The following ARPC1A variants were observed in gnomAD, a reference collection of about 807,000 sequenced individuals.
ARPC1A encodes actin-related protein 2/3 complex subunit 1A.
Under a neutral mutation model 46.9 loss-of-function variants are expected in ARPC1A, and 8 were observed. The observed-to-expected ratio is 0.17, with a 90% confidence interval of 0.10 to 0.31. The LOEUF is 0.31. Ranked by LOEUF, ARPC1A falls within the 10% of genes least tolerant of loss-of-function variation. The probability of loss-of-function intolerance (pLI) is 1.00; values close to 1 mark genes in which losing one functional copy is unlikely to be tolerated. For synonymous variants in ARPC1A, 152 were observed against 169.0 expected, an observed-to-expected ratio of 0.90 and a Z score of 0.78; for missense variants, 286 against 483.6, an observed-to-expected ratio of 0.59 and a Z score of 3.83.
intron 4 of ARPC1A, among the ~76,000 whole-genome samples, chr7:99,345,657 CAA>C (rs547514508): frequency 7.4e-6 from 1 of 134,370 alleles, no homozygotes; most frequent in Non-Finnish European, 1.6e-5. Flanking sequence ...GATTCTATCT[CAA>C]AAAAAAAAAA....
intron 3 of ARPC1A, among the ~76,000 whole-genome samples, chr7:99,343,285 G>C (rs768066466): frequency 4.6e-5 from 7 of 151,960 alleles, no homozygotes; most frequent in Non-Finnish European, 7.4e-5. Context: ...GGTCAACATG[G>C]TGAAACCCCG....
chr7:99,333,184 C>T (rs539630056), intron 1 of ARPC1A, 141 bp from the exon 2 acceptor site: 3 of 623,620 alleles, frequency 4.8e-6, no homozygotes, highest in Non-Finnish European at 5.6e-6. Context: ...CGTGAGCCAC[C>T]GTGCCTGGCC....
At chr7:99,333,482 A>G (rs2301889) in intron 2 of ARPC1A, 65 bp downstream of exon 2, 136,695 of 1,400,916 alleles carry the variant, frequency 0.098, 10,846 homozygotes, top group East Asian at 0.34. Context: ...CTTTAGACAC[A>G]TTTAGGGCTC....
At position 99,349,136 on chromosome 7, in the gene ARPC1A, C is replaced by T. The variant is rs547639721; in HGVS notation, c.500+177C>T. Among the ~76,000 whole-genome samples, 3 of 152,240 alleles carry T rather than the reference C, an allele frequency of 2.0e-5. No individual in the cohort carries two copies. The South Asian group carries it at 6.2e-4, about 32-fold the overall frequency. ...CACCATCATAGCTCACTGCAGCCTC[C>T]AATTCCTGGGCTCAAGCGATCCTCC... is the stretch of plus-strand genomic sequence containing the variant. On this transcript the variant is annotated intron_variant, in intron 5 of 9. Coordinates refer to ENST00000262942, the MANE Select transcript of ARPC1A (RefSeq NM_006409.4).
At position 99,353,153 on chromosome 7, in the gene ARPC1A, G is replaced by A. The variant is rs966223812; in HGVS notation, c.501-756G>A. 5.3e-5 allele frequency among the ~76,000 whole-genome samples: 8 copies of A among 150,508 alleles called. No individual in the cohort carries two copies. In the Admixed American group the frequency reaches 5.3e-4, roughly 10 times the overall value. ...GTTATGTTATGTTATGTTATGTTAT[G>A]TTATGTTATGTTATGTTATTTTAGA... On this transcript the variant is annotated intron_variant, in intron 5 of 9. Transcript: ENST00000262942.
intron 5 of ARPC1A, among the ~76,000 whole-genome samples, chr7:99,350,334 GTC>G (rs934807769): frequency 7.2e-5 from 11 of 152,122 alleles, no homozygotes; most frequent in Non-Finnish European, 1.3e-4. Context: ...CCAGGCAGCA[GTC>G]TCTGCAAATT....
intron 2 of ARPC1A, among the ~76,000 whole-genome samples, chr7:99,336,826 T>C (rs1350975733): frequency 2.6e-5 from 4 of 151,714 alleles, no homozygotes; most frequent in African/African-American, 9.7e-5. Context: ...AAGAAACCAA[T>C]AAAAAGAAAG....
chr7:99,355,617 G>C (rs753218427), intron 6 of ARPC1A, among the ~76,000 whole-genome samples: 3 of 151,810 alleles, frequency 2.0e-5, no homozygotes, highest in Non-Finnish European at 2.9e-5. Context: ...GGTGGCGGGT[G>C]CCTATAGTCC....
intron 3 of ARPC1A, among the ~76,000 whole-genome samples, 193 bp downstream of exon 3, chr7:99,338,478 C>T (rs913278124): frequency 1.3e-5 from 2 of 150,688 alleles, no homozygotes; most frequent in Non-Finnish European, 1.5e-5. Flanking sequence ...CTCCACCTCC[C>T]GGGTTCAAGT....
intron 8 of ARPC1A, among the ~76,000 whole-genome samples, chr7:99,362,188 G>T (rs935552093): frequency 1.3e-5 from 2 of 151,610 alleles, no homozygotes; most frequent in African/African-American, 4.8e-5. Flanking sequence ...CAGCTACTCG[G>T]GAGTCTGAGG....
At chr7:99,362,338 T>TCCCCC (rs1300797732) in intron 8 of ARPC1A, among the ~76,000 whole-genome samples, 1 of 124,918 alleles carries the variant, frequency 8.0e-6, no homozygotes, top group Non-Finnish European at 1.6e-5. Context: ...CCGCCCCCCT[T>TCCCCC]TTTTTTTTTT....
At chr7:99,347,483 T>A (rs1793473432) in intron 4 of ARPC1A, among the ~76,000 whole-genome samples, 1 of 152,082 alleles carries the variant, frequency 6.6e-6, no homozygotes, top group South Asian at 2.1e-4. Context: ...GGCAGGCAGA[T>A]CACCTGAGAC....
At chr7:99,328,651 T>C (rs1793092389) in intron 1 of ARPC1A, among the ~76,000 whole-genome samples, 1 of 151,724 alleles carries the variant, frequency 6.6e-6, no homozygotes, top group Non-Finnish European at 1.5e-5. Flanking sequence ...CAGTGATAGA[T>C]AAAGAAAAGG....
At chr7:99,343,466 CAAAA>C (rs1181327939) in intron 3 of ARPC1A, among the ~76,000 whole-genome samples, 1 of 120,012 alleles carries the variant, frequency 8.3e-6, no homozygotes, top group African/African-American at 3.1e-5. Context: ...AACTCCATCT[CAAAA>C]AAAAAAAAGA....
rs1308355053 is a variant in ARPC1A at position 99,325,935 on chromosome 7, C to T, written c.-99C>T. ...GTCCTCCGCCCGCGCCCGACGGAGC[C>T]TGTTCGCGTCGACTGCCCAGAGTCC... On this transcript the variant is annotated 5_prime_UTR_variant, in exon 1 of 10. Coordinates refer to ENST00000262942, the MANE Select transcript of ARPC1A (RefSeq NM_006409.4). The T allele has an allele frequency of 6.6e-6, 1 of 152,564 alleles. No individual in the cohort carries two copies. Among genetic ancestry groups the T allele is most frequent in the South Asian group, 2.1e-4 (1 of 4,834 alleles). 9.5% of individuals were successfully genotyped at this position (152,564 alleles called of 1,614,324 possible).
intron 6 of ARPC1A, among the ~76,000 whole-genome samples, chr7:99,354,533 A>C (rs539776105): frequency 1.3e-5 from 2 of 151,558 alleles, no homozygotes; most frequent in African/African-American, 4.8e-5. Context: ...AAAAAAAAAA[A>C]AAAAAAAAAC....
chr7:99,365,092 G>T (rs1331765582), intron 9 of ARPC1A, among the ~76,000 whole-genome samples: 1 of 152,154 alleles, frequency 6.6e-6, no homozygotes, highest in African/African-American at 2.4e-5. Context: ...TTCAGAGAGC[G>T]CACACTGCCT....
intron 6 of ARPC1A, 92 bp from the exon 7 acceptor site, chr7:99,358,248 C>A: frequency 1.6e-6 from 2 of 1,267,122 alleles, no homozygotes; most frequent in South Asian, 2.5e-5. Flanking sequence ...CTGCAGAAGC[C>A]CCTGTGAGAA....
chr7:99,359,229 A>T (rs967451136), intron 7 of ARPC1A, among the ~76,000 whole-genome samples: 4 of 149,434 alleles, frequency 2.7e-5, no homozygotes, highest in African/African-American at 9.8e-5. Context: ...TGAGGTCAGG[A>T]GTTCAAGACC....
Sources: gnomAD v4.1 joint callset for allele counts (sites outside exome capture counted in the v4.1 genomes callset) on GRCh38, gnomAD v4.1.1 for gene constraint, MANE v1.5 for transcripts, NCBI Gene and HGNC (gene_info 2026-07-23, HGNC 2026-07-21) for gene names.